The following POC1B variants were observed in gnomAD, a reference collection of about 807,000 sequenced individuals.
The protein encoded by POC1B is POC1 centriolar protein homolog B.
A neutral mutation model predicts 60.6 loss-of-function variants in POC1B; 44 were observed. That is an observed-to-expected ratio of 0.73 (90% CI 0.57 to 0.93). The LOEUF is 0.93. Ranked by LOEUF, POC1B falls within the 40% of genes least tolerant of loss-of-function variation. POC1B has a pLI of 0.00. For missense variants in POC1B, 555 were observed against 572.3 expected, an observed-to-expected ratio of 0.97 and a Z score of 0.31; for synonymous variants, 180 against 198.9, an observed-to-expected ratio of 0.90 and a Z score of 0.80.
At chr12:89,468,208 A>G (rs1038983480) in intron 7 of POC1B, among the ~76,000 whole-genome samples, 1 of 152,212 alleles carries the variant, frequency 6.6e-6, no homozygotes, top group East Asian at 1.9e-4. Flanking sequence ...CAGTATCACA[A>G]TTCTGAGAAA....
intron 2 of POC1B, among the ~76,000 whole-genome samples, chr12:89,503,044 TA>T (rs1023390105): frequency 1.3e-5 from 2 of 152,074 alleles, no homozygotes; most frequent in African/African-American, 4.8e-5. Context: ...TGTTTTAAAA[TA>T]AAAAAATTAT....
chr12:89,485,511 C>G (rs1439854123), intron 4 of POC1B, among the ~76,000 whole-genome samples: 1 of 152,152 alleles, frequency 6.6e-6, no homozygotes, highest in Non-Finnish European at 1.5e-5. Context: ...TGCAGAGTTT[C>G]ACATTAATCA....
intron 2 of POC1B, chr12:89,524,453 G>A (rs1002313819): frequency 6.2e-7 from 1 of 1,613,870 alleles, no homozygotes; most frequent in Non-Finnish European, 8.5e-7. Context: ...GCGGAGGCAT[G>A]AAAAGTAGAG....
chr12:89,468,457 T>A (rs140312507), intron 7 of POC1B, among the ~76,000 whole-genome samples: 2 of 152,314 alleles, frequency 1.3e-5, no homozygotes, highest in Admixed American at 1.3e-4. Context: ...CCTTAATCTG[T>A]ACAAGAAAAG....
At position 89,419,824 on chromosome 12, in the gene POC1B, C is replaced by T. The variant is rs550630080; in HGVS notation, c.*1329G>A. ...TCTTCTCAATGGGGTTATAAAAATA[C>T]AATGCCACTTAGTTTTTGTAAGCTC... On this transcript the variant is annotated 3_prime_UTR_variant, in exon 12 of 12. Coordinates refer to ENST00000313546, the MANE Select transcript of POC1B (RefSeq NM_172240.3). 1 of 152,294 alleles carries T rather than the reference C, an allele frequency of 6.6e-6. No homozygotes were observed. Among genetic ancestry groups the T allele is most frequent in the African/African-American group, 2.4e-5 (1 of 41,572 alleles). 9.4% of individuals were successfully genotyped at this position (152,294 alleles called of 1,614,324 possible).
At chr12:89,489,701 C>T (rs748201000) in intron 4 of POC1B, among the ~76,000 whole-genome samples, 1 of 152,198 alleles carries the variant, frequency 6.6e-6, no homozygotes, top group Non-Finnish European at 1.5e-5. Flanking sequence ...TTATTTCATA[C>T]AGCAGGCACA....
At chr12:89,501,639 AG>A in intron 2 of POC1B, 2 of 1,198,974 alleles carry the variant, frequency 1.7e-6, no homozygotes, top group Non-Finnish European at 2.4e-6. Flanking sequence ...TGTCTGAAGA[AG>A]TGACTTCAAC....
At chr12:89,491,117 C>G (rs1227829623) in intron 4 of POC1B, among the ~76,000 whole-genome samples, 1 of 152,114 alleles carries the variant, frequency 6.6e-6, no homozygotes, top group African/African-American at 2.4e-5. Flanking sequence ...GGGGCCCCTC[C>G]TACATCCCCA....
chr12:89,489,395 C>A (rs1157549415), intron 4 of POC1B, among the ~76,000 whole-genome samples: 1 of 152,128 alleles, frequency 6.6e-6, no homozygotes, highest in Non-Finnish European at 1.5e-5. Context: ...GGTCCAGGGT[C>A]CATGTTTTTA....
At chr12:89,438,648 T>C (rs1881381811) in intron 10 of POC1B, among the ~76,000 whole-genome samples, 1 of 152,228 alleles carries the variant, frequency 6.6e-6, no homozygotes, top group Non-Finnish European at 1.5e-5. Flanking sequence ...TACTAGTCCT[T>C]CTCTGCCTTA....
chr12:89,507,595 T>TAA (rs1869967946), intron 2 of POC1B, among the ~76,000 whole-genome samples: 1 of 152,190 alleles, frequency 6.6e-6, no homozygotes, highest in South Asian at 2.1e-4. Context: ...TCTACCAGTT[T>TAA]AAAAAAACTA....
intron 11 of POC1B, among the ~76,000 whole-genome samples, chr12:89,421,487 G>T (rs1410797274): frequency 6.6e-6 from 1 of 152,156 alleles, no homozygotes; most frequent in Non-Finnish European, 1.5e-5. Context: ...CCAAACTGAT[G>T]TGTTTGAGAA....
chr12:89,502,544 G>C, intron 2 of POC1B: 1 of 1,119,244 alleles, frequency 8.9e-7, no homozygotes, highest in East Asian at 2.5e-5. Flanking sequence ...TAGCTTAATG[G>C]TAAATCTAGG....
chr12:89,463,427 T>TCA (rs145187641), intron 9 of POC1B, among the ~76,000 whole-genome samples: 31,468 of 151,200 alleles, frequency 0.21, 3,720 homozygotes, highest in South Asian at 0.37. Context: ...GAGAAAAATA[T>TCA]CACACACACA....
intron 10 of POC1B, among the ~76,000 whole-genome samples, chr12:89,456,066 G>A (rs769326590): frequency 6.6e-6 from 1 of 151,870 alleles, no homozygotes; most frequent in Non-Finnish European, 1.5e-5. Flanking sequence ...AGTCTCCCAG[G>A]CTGGAGTGCA....
rs773630909 is a variant in POC1B, at chr12:89,497,294, T to A, written c.149A>T (p.His50Leu). The A allele has an allele frequency of 6.2e-7, 1 of 1,612,876 alleles. No individual in the cohort carries two copies. The highest frequency in any genetic ancestry group is 8.5e-7 in the Non-Finnish European group (1 of 1,179,916). ...TFLMLWNFKPHARAYRYVGHK... is the reference protein window; with the variant it reads ...TFLMLWNFKPLARAYRYVGHK... ...ACCCACATATCTGTAAGCTCTAGCA[T>A]GTGGCTTGAAATTCCATAGCATGAG... The change falls in exon 3 of 12, where the codon CAT (histidine) becomes CTT (leucine). Residue 50 changes from histidine (H) to leucine (L), a missense_variant. Coordinates refer to ENST00000313546, the MANE Select transcript of POC1B (RefSeq NM_172240.3).
At chr12:89,524,974 C>T in intron 2 of POC1B, 146 bp downstream of exon 2, 1 of 1,285,270 alleles carries the variant, frequency 7.8e-7, no homozygotes, top group Non-Finnish European at 1.1e-6. Flanking sequence ...CTGCGCCCCG[C>T]CGCGCTGGGC....
intron 2 of POC1B, among the ~76,000 whole-genome samples, chr12:89,498,620 A>G (rs1869378744): frequency 6.6e-6 from 1 of 152,226 alleles, no homozygotes; most frequent in African/African-American, 2.4e-5. Flanking sequence ...GTTAAAAGTG[A>G]GTTCAGCTAC....
At chr12:89,450,814 T>C (rs1262995944) in intron 10 of POC1B, among the ~76,000 whole-genome samples, 1 of 152,228 alleles carries the variant, frequency 6.6e-6, no homozygotes, top group East Asian at 1.9e-4. Context: ...GAAATCTTTG[T>C]ATGTATATCT....
Sources: gnomAD v4.1 joint callset for allele counts (sites outside exome capture counted in the v4.1 genomes callset) on GRCh38, gnomAD v4.1.1 for gene constraint, MANE v1.5 for transcripts, NCBI Gene and HGNC (gene_info 2026-07-23, HGNC 2026-07-21) for gene names.